MAGI2: variants seen among roughly 807,000 people sequenced by gnomAD.
MAGI2 encodes the protein membrane-associated guanylate kinase, WW and PDZ domain-containing protein 2.
A neutral mutation model predicts 133.3 loss-of-function variants in MAGI2; 35 were observed. The observed-to-expected ratio is 0.26, with a 90% CI of 0.20 to 0.35. The LOEUF is 0.35. Among genes scored for constraint, MAGI2 ranks in the 10% least tolerant of loss-of-function variants. The probability of loss-of-function intolerance (pLI) is 1.00; values close to 1 mark genes in which losing one functional copy is unlikely to be tolerated. For missense variants in MAGI2, 1,636 were observed against 1,863.4 expected, an observed-to-expected ratio of 0.88 and a Z score of 2.25; for synonymous variants, 729 against 710.6, an observed-to-expected ratio of 1.03 and a Z score of -0.41.
At position 78,607,826 on chromosome 7, in the gene MAGI2, T is replaced by C. The variant is rs140942454; in HGVS notation, c.538+19294A>G. 8.8e-3 allele frequency among the ~76,000 whole-genome samples: 1,336 copies of C among 152,316 alleles called. 15 individuals carry two copies. Among genetic ancestry groups the C allele is most frequent in the African/African-American group, 0.022 (923 of 41,576 alleles). ...AGATCCATGAGAGCTCTGAATCCCT[T>C]TGTGCTGGTAGCATCCCGCCTCTGG... On this transcript the variant is annotated intron_variant, in intron 3 of 21. Transcript: ENST00000354212.
Position 78,825,203 on chromosome 7 carries a change from G to T in MAGI2, c.418+181887C>A, listed in dbSNP as rs141627998. 2.9e-3 allele frequency among the ~76,000 whole-genome samples: 434 copies of T among 152,118 alleles called. 3 individuals are homozygous for T. The highest frequency in any genetic ancestry group is 1.0e-2 in the African/African-American group (413 of 41,484). ...ACCATCATGGCACATGTATACCTAC[G>T]TAACAAACTTGCACATTCTGCATAT... On this transcript the variant is annotated intron_variant, in intron 2 of 21. Coordinates refer to ENST00000354212, the MANE Select transcript of MAGI2 (RefSeq NM_012301.4).
At chr7:78,603,092 G>C (rs1466731493) in intron 3 of MAGI2, among the ~76,000 whole-genome samples, 2 of 149,412 alleles carry the variant, frequency 1.3e-5, no homozygotes, top group Non-Finnish European at 2.9e-5. Context: ...CATTCTTTTT[G>C]TCATCAAAGA....
At position 78,309,556 on chromosome 7, in the gene MAGI2, T is replaced by G. The variant is rs536423398; in HGVS notation, c.1408+34222A>C. ...CTACTGGAGGGAAAGGACTGAAAACTAGCATAGTGGGTACTATGCTCACTA... is the reference window on the plus strand; with the variant it reads ...CTACTGGAGGGAAAGGACTGAAAACGAGCATAGTGGGTACTATGCTCACTA... On this transcript the variant is annotated intron_variant, in intron 9 of 21. Coordinates refer to ENST00000354212, the MANE Select transcript of MAGI2 (RefSeq NM_012301.4). Among the ~76,000 whole-genome samples the G allele has an allele frequency of 2.0e-4, 30 of 151,796 alleles. No homozygotes were observed. The South Asian group carries it at 2.9e-3, about 15-fold the overall frequency.
intron 6 of MAGI2, among the ~76,000 whole-genome samples, chr7:78,465,126 G>C (rs1176501092): frequency 1.3e-5 from 2 of 152,036 alleles, no homozygotes; most frequent in Non-Finnish European, 2.9e-5. Context: ...AACAAAAAAA[G>C]TTTTCTGTGT....
At chr7:78,999,070 C>G (rs1010912797) in intron 2 of MAGI2, among the ~76,000 whole-genome samples, 1 of 152,006 alleles carries the variant, frequency 6.6e-6, no homozygotes, top group Non-Finnish European at 1.5e-5. Flanking sequence ...CTTCTAGGAC[C>G]ACTGAAGTCC....
intron 2 of MAGI2, among the ~76,000 whole-genome samples, chr7:78,644,149 TATTTA>T (rs1490090068): frequency 6.6e-6 from 1 of 152,146 alleles, no homozygotes; most frequent in Non-Finnish European, 1.5e-5. Context: ...AATGTTTATG[TATTTA>T]ATTAGAGATT....
chr7:78,892,218 C>T (rs1360062898), intron 2 of MAGI2, among the ~76,000 whole-genome samples: 16 of 151,940 alleles, frequency 1.1e-4, no homozygotes, highest in South Asian at 1.0e-3. Flanking sequence ...CACTGCTCAA[C>T]GAAATAAAAG....
intron 1 of MAGI2, among the ~76,000 whole-genome samples, chr7:79,422,757 A>G (rs915549802): frequency 6.6e-6 from 1 of 151,984 alleles, no homozygotes; most frequent in Admixed American, 6.6e-5. Flanking sequence ...CAGTGTGCAA[A>G]AACACAGCCC....
At chr7:79,225,086 A>T (rs1830735632) in intron 1 of MAGI2, among the ~76,000 whole-genome samples, 1 of 152,102 alleles carries the variant, frequency 6.6e-6, no homozygotes, top group African/African-American at 2.4e-5. Context: ...TACCTTTAAG[A>T]CCTCAACCTT....
rs73147308 is a variant in MAGI2 at position 79,212,942 on chromosome 7, G to A, written c.302-205736C>T. On this transcript the variant is annotated intron_variant, in intron 1 of 21. Transcript: ENST00000354212. The stretch of plus-strand genomic sequence containing the variant: ...CTTCCATGTGATTTTCAGTGGATGG[G>A]ATGCTTCCTTAACACATAAATTTAC... Among the ~76,000 whole-genome samples the A allele has an allele frequency of 4.3e-3, 651 of 152,114 alleles. 6 individuals are homozygous for A. The highest frequency in any genetic ancestry group is 0.027 in the South Asian group (131 of 4,820).
At chr7:78,618,571 T>A (rs549837107) in intron 3 of MAGI2, 1 of 152,000 alleles carries the variant, frequency 6.6e-6, no homozygotes, top group South Asian at 2.1e-4. Context: ...AAGGACATGA[T>A]TTTTTTCTGG....
At chr7:79,234,403 T>C (rs1405009558) in intron 1 of MAGI2, among the ~76,000 whole-genome samples, 1 of 152,040 alleles carries the variant, frequency 6.6e-6, no homozygotes, top group Non-Finnish European at 1.5e-5. Flanking sequence ...CCAACTTGGT[T>C]CCATTCTCCC....
At chr7:79,186,281 T>TAC in intron 1 of MAGI2, among the ~76,000 whole-genome samples, 1 of 113,610 alleles carries the variant, frequency 8.8e-6, no homozygotes, top group African/African-American at 6.7e-5. Context: ...ACATTTAAAC[T>TAC]ATATATATAA....
intron 1 of MAGI2, among the ~76,000 whole-genome samples, chr7:79,315,325 A>ATTTT (rs775143230): frequency 1.1e-5 from 1 of 92,492 alleles, no homozygotes. Context: ...TGCCCAGTTA[A>ATTTT]TTTTTTTTTT....
chr7:78,220,873 T>C (rs1472541054), intron 10 of MAGI2, among the ~76,000 whole-genome samples: 1 of 152,214 alleles, frequency 6.6e-6, no homozygotes, highest in Non-Finnish European at 1.5e-5. Context: ...TTTATTGAGC[T>C]TTGACTGTGT....
chr7:78,577,211 T>C (rs1403768174), intron 3 of MAGI2, among the ~76,000 whole-genome samples: 2 of 152,194 alleles, frequency 1.3e-5, no homozygotes, highest in African/African-American at 4.8e-5. Context: ...CTACTAATTT[T>C]ATGGAAAATA....
At chr7:78,141,561 T>C (rs1334852978) in intron 16 of MAGI2, among the ~76,000 whole-genome samples, 2 of 152,200 alleles carry the variant, frequency 1.3e-5, no homozygotes, top group African/African-American at 4.8e-5. Context: ...ACAGACGGCA[T>C]GACTTGTTTT....
chr7:78,586,615 A>G (rs1803445912), intron 3 of MAGI2, among the ~76,000 whole-genome samples: 1 of 152,172 alleles, frequency 6.6e-6, no homozygotes, highest in Admixed American at 6.5e-5. Context: ...TTTTAAGTAT[A>G]CTATTCAGTG....
At chr7:78,648,883 A>G (rs1811193349) in intron 2 of MAGI2, among the ~76,000 whole-genome samples, 1 of 152,114 alleles carries the variant, frequency 6.6e-6, no homozygotes, top group Admixed American at 6.6e-5. Context: ...AACTCTGCTG[A>G]TGTCAATCTA....
Sources: allele counts gnomAD v4.1 joint callset (sites outside exome capture counted in the v4.1 genomes callset), GRCh38; gene constraint gnomAD v4.1.1; transcripts MANE v1.5; gene names NCBI Gene and HGNC (gene_info 2026-07-23, HGNC 2026-07-21).